SLC12A6: variants seen among roughly 807,000 people sequenced by gnomAD.
SLC12A6 encodes K-Cl cotransporter 3.
Under a neutral mutation model 135.3 loss-of-function variants are expected in SLC12A6, and 66 were observed. The ratio of observed to expected loss-of-function variants is 0.49; its 90% CI spans 0.40 to 0.60. The LOEUF is 0.60. Ranked by LOEUF, SLC12A6 falls within the 20% of genes least tolerant of loss-of-function variation. SLC12A6 has a pLI of 0.00. For synonymous variants in SLC12A6, 513 were observed against 508.8 expected, an observed-to-expected ratio of 1.01 and a Z score of -0.11; for missense variants, 1,058 against 1,452.3, an observed-to-expected ratio of 0.73 and a Z score of 4.41.
chr15:34,257,816 CA>C (rs1432386360), intron 5 of SLC12A6, 28 bp from the exon 6 acceptor site: 6 of 1,510,208 alleles, frequency 4.0e-6, no homozygotes, highest in Non-Finnish European at 5.5e-6. Flanking sequence ...GATAAAAAAT[CA>C]CACAGTTATC....
intron 2 of SLC12A6, among the ~76,000 whole-genome samples, chr15:34,288,237 G>C (rs1172632840): frequency 6.6e-6 from 1 of 150,824 alleles, no homozygotes; most frequent in Non-Finnish European, 1.5e-5. Context: ...TGTGTAGTTT[G>C]TGTAGCCTCC....
chr15:34,240,864 G>A, intron 18 of SLC12A6, 35 bp from the exon 19 acceptor site: 6 of 1,574,046 alleles, frequency 3.8e-6, no homozygotes, highest in Non-Finnish European at 5.2e-6. Context: ...GAGGGGAGGA[G>A]AAAACATTTT....
rs1187018318 is a variant in SLC12A6, at chr15:34,235,166, T to C, written c.3361+15A>G. 6.2e-7 allele frequency: 1 copy of C among 1,613,112 alleles called. No homozygotes were observed. The highest frequency in any genetic ancestry group is 1.7e-5 in the Admixed American group (1 of 60,022). ...AGATTTTCCCTACTGGAAGCCCCACTCTTGGAAAGGATACAGTTTTCATCA... is the reference window on the plus strand; with the variant it reads ...AGATTTTCCCTACTGGAAGCCCCACCCTTGGAAAGGATACAGTTTTCATCA... On this transcript the variant is annotated intron_variant, in intron 25 of 25. Coordinates refer to ENST00000354181, the MANE Select transcript of SLC12A6 (RefSeq NM_001365088.1).
chr15:34,259,018 C>A, intron 4 of SLC12A6, 74 bp from the exon 5 acceptor site: 1 of 1,258,868 alleles, frequency 7.9e-7, no homozygotes, highest in Non-Finnish European at 1.2e-6. Flanking sequence ...ATCTTGCTAC[C>A]AGAAAACTTC....
chr15:34,244,088 T>G lies in SLC12A6; in HGVS notation c.1944-16A>C. ...GAGAAAAAACCTGAAGAATAAAGAGTAAGAGGAATGATTATTACTGGAAGA... is the reference window on the plus strand; with the variant it reads ...GAGAAAAAACCTGAAGAATAAAGAGGAAGAGGAATGATTATTACTGGAAGA... On this transcript the variant is annotated splice_polypyrimidine_tract_variant and intron_variant, in intron 15 of 25. Coordinates refer to ENST00000354181, the MANE Select transcript of SLC12A6 (RefSeq NM_001365088.1). 7.5e-7 allele frequency: 1 copy of G among 1,325,378 alleles called. No individual in the cohort carries two copies. 82.1% of individuals were successfully genotyped at this position (1,325,378 alleles called of 1,614,324 possible).
At chr15:34,255,226 T>C (rs748333422) in intron 8 of SLC12A6, 36 bp downstream of exon 8, 180 of 1,474,748 alleles carry the variant, frequency 1.2e-4, no homozygotes, top group Middle Eastern at 1.7e-4. Flanking sequence ...TCAATATTTC[T>C]TCTATATTAT....
chr15:34,266,949 TA>T (rs1256964593), intron 3 of SLC12A6, among the ~76,000 whole-genome samples: 2 of 152,152 alleles, frequency 1.3e-5, no homozygotes, highest in African/African-American at 4.8e-5. Context: ...AACATCTTTT[TA>T]TTTGTTTTTT....
chr15:34,300,684 T>C (rs1352114888), intron 2 of SLC12A6, among the ~76,000 whole-genome samples: 1 of 151,704 alleles, frequency 6.6e-6, no homozygotes, highest in East Asian at 1.9e-4. Flanking sequence ...TCCCAGCTAC[T>C]TGGGAGGCTG....
chr15:34,240,119 T>C (rs1003435633), intron 19 of SLC12A6, among the ~76,000 whole-genome samples: 5 of 151,994 alleles, frequency 3.3e-5, no homozygotes, highest in African/African-American at 7.2e-5. Context: ...AGTAAAACTT[T>C]TGAAATGCCA....
At chr15:34,312,214 G>C (rs1259709255) in intron 2 of SLC12A6, among the ~76,000 whole-genome samples, 1 of 152,152 alleles carries the variant, frequency 6.6e-6, no homozygotes, top group African/African-American at 2.4e-5. Flanking sequence ...AGTAGGACTG[G>C]GATTTAAAGT....
chr15:34,310,453 T>C (rs1352678002), intron 2 of SLC12A6, among the ~76,000 whole-genome samples: 8 of 83,870 alleles, frequency 9.5e-5, no homozygotes, highest in African/African-American at 4.0e-4. Flanking sequence ...GTGTCCAGGC[T>C]GGTGTTGAAC....
intron 2 of SLC12A6, among the ~76,000 whole-genome samples, chr15:34,322,803 CCCCGTCT>C (rs1258246421): frequency 6.6e-6 from 1 of 151,372 alleles, no homozygotes; most frequent in Non-Finnish European, 1.5e-5. Flanking sequence ...CATTGTGAAA[CCCCGTCT>C]CCACTAAAAA....
chr15:34,336,433 G>A lies in SLC12A6; in HGVS notation c.248C>T (p.Ser83Phe). 1.2e-6 allele frequency: 2 copies of A among 1,614,010 alleles called. No individual in the cohort carries two copies. Among genetic ancestry groups the A allele is most frequent in the South Asian group, 2.2e-5 (2 of 91,084 alleles). ...VALDPPSDRT[S>F]HPQDVIEDLS... The stretch of plus-strand genomic sequence containing the variant: ...ACCCTCGATGACATCCTGGGGGTGA[G>A]AAGTCCGGTCACTGGGTGGATCCAG... The change falls in exon 2 of 26, where the codon TCT becomes TTT. Residue 83 changes from serine to phenylalanine, a missense_variant. This residue lies in a region of SLC12A6 where 176 missense variants were observed against 168.9 expected (regional missense o/e 1.04). Coordinates refer to ENST00000354181, the MANE Select transcript of SLC12A6 (RefSeq NM_001365088.1).
chr15:34,312,249 G>A (rs2141080155), intron 2 of SLC12A6, among the ~76,000 whole-genome samples: 1 of 152,328 alleles, frequency 6.6e-6, no homozygotes, highest in Non-Finnish European at 1.5e-5. Flanking sequence ...TCATTCTGCT[G>A]CCTTTGGTGG....
intron 2 of SLC12A6, among the ~76,000 whole-genome samples, chr15:34,283,970 G>A (rs568898006): frequency 7.9e-5 from 12 of 152,004 alleles, no homozygotes; most frequent in East Asian, 5.8e-4. Context: ...TGCTCGTCTC[G>A]GTCTCAAACT....
At position 34,295,457 on chromosome 15, in the gene SLC12A6, C is replaced by T. The variant is rs192799188; in HGVS notation, c.272-20068G>A. On this transcript the variant is annotated intron_variant, in intron 2 of 25. Transcript: ENST00000354181. ...GAATGATCCTCAACAGACATAATAA[C>T]AATTATATGCTAAAAAGAGTCATGG... Among the ~76,000 whole-genome samples the T allele has an allele frequency of 2.5e-3, 375 of 152,196 alleles. 1 individual carries two copies. Among genetic ancestry groups the T allele is most frequent in the Non-Finnish European group, 4.3e-3 (289 of 68,000 alleles).
At chr15:34,256,205 G>C in intron 7 of SLC12A6, 24 bp downstream of exon 7, 1 of 1,496,292 alleles carries the variant, frequency 6.7e-7, no homozygotes, top group Non-Finnish European at 9.3e-7. Flanking sequence ...GATAAATCCT[G>C]AAATACAACC....
chr15:34,288,417 G>A (rs1167774015), intron 2 of SLC12A6, among the ~76,000 whole-genome samples: 1 of 152,236 alleles, frequency 6.6e-6, no homozygotes, highest in Non-Finnish European at 1.5e-5. Context: ...CGGGTAGCTT[G>A]ATGTCTCCAG....
intron 2 of SLC12A6, among the ~76,000 whole-genome samples, chr15:34,279,879 T>A (rs1894557966): frequency 6.6e-6 from 1 of 152,180 alleles, no homozygotes; most frequent in South Asian, 2.1e-4. Flanking sequence ...ATCAGAAAGA[T>A]GAACTGAAAA....
Sources: gnomAD v4.1 joint callset for allele counts (sites outside exome capture counted in the v4.1 genomes callset) on GRCh38, gnomAD v4.1.1 for gene constraint, gnomAD v4.1.1 regional missense constraint, MANE v1.5 for transcripts, NCBI Gene and HGNC (gene_info 2026-07-23, HGNC 2026-07-21) for gene names.